Variants in SAMSN1 observed in about 807,000 individuals in gnomAD.
The protein encoded by SAMSN1 is SAM domain-containing protein SAMSN-1.
A neutral mutation model predicts 42.0 loss-of-function variants in SAMSN1; 31 were observed. The observed-to-expected ratio is 0.74, with a 90% CI of 0.55 to 1.00. The LOEUF (loss-of-function observed/expected upper bound fraction) is 1.00, where lower values mean the gene tolerates loss of function less well. SAMSN1 is among the 50% of genes least tolerant of loss of function. SAMSN1 has a pLI of 0.00. For missense variants in SAMSN1, 464 were observed against 439.4 expected, an observed-to-expected ratio of 1.06 and a Z score of -0.50; for synonymous variants, 178 against 151.9, an observed-to-expected ratio of 1.17 and a Z score of -1.26.
intron 5 of SAMSN1, among the ~76,000 whole-genome samples, chr21:14,507,558 A>G (rs1182906761): frequency 1.3e-5 from 2 of 152,264 alleles, no homozygotes; most frequent in Non-Finnish European, 2.9e-5. Context: ...GATGGCACAA[A>G]CAAATGGAAA....
chr21:14,644,084 G>A (rs1025040793), intron 1 of SAMSN1, among the ~76,000 whole-genome samples: 1 of 152,138 alleles, frequency 6.6e-6, no homozygotes, highest in Non-Finnish European at 1.5e-5. Flanking sequence ...AACTTGAAAG[G>A]CAGTCTAGAA....
At chr21:14,527,417 A>G (rs1401771888) in intron 1 of SAMSN1, among the ~76,000 whole-genome samples, 1 of 152,214 alleles carries the variant, frequency 6.6e-6, no homozygotes, top group Non-Finnish European at 1.5e-5. Context: ...ACTGACGGCT[A>G]AAAGACAACT....
At chr21:14,528,164 G>A (rs1210725550) in intron 1 of SAMSN1, among the ~76,000 whole-genome samples, 1 of 151,966 alleles carries the variant, frequency 6.6e-6, no homozygotes, top group African/African-American at 2.4e-5. Flanking sequence ...TGACACTATC[G>A]TGAACTGCTC....
intron 2 of SAMSN1, among the ~76,000 whole-genome samples, chr21:14,578,334 G>T (rs1981574630): frequency 6.6e-6 from 1 of 152,092 alleles, no homozygotes; most frequent in Non-Finnish European, 1.5e-5. Context: ...CACCCACCTT[G>T]AGAGTGGGAG....
At position 14,486,124 on chromosome 21, in the gene SAMSN1, G is replaced by GA. The variant is rs753283927; in HGVS notation, c.920-11dup. 2.5e-6 allele frequency: 4 copies of GA among 1,596,380 alleles called. No individual in the cohort carries two copies. The highest frequency in any genetic ancestry group is 3.4e-6 in the Non-Finnish European group (4 of 1,168,124). On this transcript the variant is annotated splice_polypyrimidine_tract_variant and intron_variant, in intron 7 of 7. Coordinates refer to ENST00000400566, the MANE Select transcript of SAMSN1 (RefSeq NM_022136.5). ...TCTTGCTCTTGAATAACTGTAAATG[G>GA]AAAAAAAGGGCAGGAGTTAGGTAAA...
chr21:14,602,180 G>T, intron 5 of SAMSN1: 1 of 425,548 alleles, frequency 2.3e-6, no homozygotes, highest in Non-Finnish European at 4.4e-6. Flanking sequence ...TAACACTCAT[G>T]TTTTTATTTA....
chr21:14,635,181 G>C lies in SAMSN1; in HGVS notation c.156+7821C>G, dbSNP rs563909868. Among the ~76,000 whole-genome samples the C allele has an allele frequency of 4.6e-5, 7 of 152,220 alleles. No homozygotes were observed. In the South Asian group the frequency reaches 8.3e-4, roughly 18 times the overall value. Reference sequence around the variant, plus strand: ...GAACAACACACACCAGGGACTGTTAGGGGGCAATGACGAGGGGAGGGATAG... The same window carrying C: ...GAACAACACACACCAGGGACTGTTACGGGGCAATGACGAGGGGAGGGATAG... On this transcript the variant is annotated intron_variant, in intron 2 of 15. Coordinates refer to the SAMSN1 transcript ENST00000647101.
intron 2 of SAMSN1, among the ~76,000 whole-genome samples, chr21:14,560,447 T>C (rs1349136430): frequency 2.0e-5 from 3 of 152,040 alleles, no homozygotes; most frequent in Non-Finnish European, 4.4e-5. Context: ...TATAGTTTAA[T>C]CTTAGAGCAA....
chr21:14,592,499 G>A (rs1213933711), intron 7 of SAMSN1: 2 of 181,106 alleles, frequency 1.1e-5, no homozygotes, highest in Admixed American at 6.2e-5. Flanking sequence ...ACTTGAGTGA[G>A]CCACTTCTCC....
chr21:14,495,237 T>A (rs2123668038), intron 7 of SAMSN1, among the ~76,000 whole-genome samples: 1 of 152,330 alleles, frequency 6.6e-6, no homozygotes, highest in South Asian at 2.1e-4. Context: ...AGGAAGGTTG[T>A]GTGTTTAATC....
Position 14,546,314 on chromosome 21 carries a change from C to T in SAMSN1, c.-53G>A. 1.2e-6 allele frequency: 2 copies of T among 1,609,910 alleles called. No individual in the cohort carries two copies. Among genetic ancestry groups the T allele is most frequent in the South Asian group, 1.1e-5 (1 of 90,588 alleles). ...GCACTTTCTGCTGTTACAGAAACAACTGAAAACAGTCAGCAGTGTGCTGTC... is the reference window on the plus strand; with the variant it reads ...GCACTTTCTGCTGTTACAGAAACAATTGAAAACAGTCAGCAGTGTGCTGTC... On this transcript the variant is annotated 5_prime_UTR_variant, in exon 1 of 8. Coordinates refer to ENST00000400566, the MANE Select transcript of SAMSN1 (RefSeq NM_022136.5).
intron 2 of SAMSN1, among the ~76,000 whole-genome samples, chr21:14,630,826 C>G (rs150367123): frequency 1.3e-5 from 2 of 152,102 alleles, no homozygotes; most frequent in Non-Finnish European, 2.9e-5. Context: ...CATTTTCTTC[C>G]TTTAGTGTCT....
chr21:14,656,511 A>G (rs1470080305), intron 1 of SAMSN1, among the ~76,000 whole-genome samples: 1 of 151,794 alleles, frequency 6.6e-6, no homozygotes, highest in Non-Finnish European at 1.5e-5. Flanking sequence ...GCTCAACAAG[A>G]AAAATCACTG....
rs754380945 is a variant in SAMSN1 at position 14,512,494 on chromosome 21, A to G, written c.359T>C (p.Leu120Pro). ...ACTATCCATGGAGTCACTGGCTTTGAGGGACACCTTCTCTGTGTGGGTCCC... is the reference window on the plus strand; with the variant it reads ...ACTATCCATGGAGTCACTGGCTTTGGGGGACACCTTCTCTGTGTGGGTCCC... ...VIGTHTEKVS[L>P]KASDSMDSLY... The change falls in exon 4 of 8, where the codon CTC becomes CCC. Residue 120 changes from leucine (L) to proline (P), a missense_variant. Transcript: ENST00000400566. The G allele has an allele frequency of 1.9e-6, 3 of 1,613,974 alleles. No individual in the cohort carries two copies. The Admixed American group carries it at 5.0e-5, about 27-fold the overall frequency.
intron 1 of SAMSN1, among the ~76,000 whole-genome samples, chr21:14,645,238 A>G (rs946458323): frequency 6.6e-6 from 1 of 152,174 alleles, no homozygotes; most frequent in African/African-American, 2.4e-5. Context: ...TTCAGGTCTG[A>G]CCCAGCACAG....
chr21:14,546,162 T>G lies in SAMSN1; in HGVS notation c.57+43A>C, dbSNP rs1399585960. Reference sequence around the variant, plus strand: ...ACACACATATGTGTTTATTTTCTATTAAATAGTTTGATTTTATTTAACTAT... The same window carrying G: ...ACACACATATGTGTTTATTTTCTATGAAATAGTTTGATTTTATTTAACTAT... On this transcript the variant is annotated intron_variant, in intron 1 of 7. Coordinates refer to ENST00000400566, the MANE Select transcript of SAMSN1 (RefSeq NM_022136.5). The G allele has an allele frequency of 2.6e-6, 4 of 1,532,008 alleles. No homozygotes were observed. In the African/African-American group the frequency reaches 4.1e-5, roughly 16 times the overall value. The allele number at this position is 1,532,008 out of a possible 1,614,324, so 94.9% of individuals were successfully genotyped here. A position where few individuals can be genotyped will look rare whatever the true frequency, so the allele number is the denominator to read the frequency against.
chr21:14,548,980 A>G (rs971641967), upstream of SAMSN1, among the ~76,000 whole-genome samples: 1 of 152,194 alleles, frequency 6.6e-6, no homozygotes, highest in Non-Finnish European at 1.5e-5. Context: ...TTGGTGCTTT[A>G]CAATACCTTA....
At chr21:14,554,368 T>C (rs1224725871) in intron 2 of SAMSN1, among the ~76,000 whole-genome samples, 2 of 152,282 alleles carry the variant, frequency 1.3e-5, no homozygotes, top group African/African-American at 4.8e-5. Flanking sequence ...GACACTATTA[T>C]GGTGTTGTTG....
At chr21:14,557,412 A>G (rs1980797143) in intron 2 of SAMSN1, among the ~76,000 whole-genome samples, 1 of 152,176 alleles carries the variant, frequency 6.6e-6, no homozygotes, top group Non-Finnish European at 1.5e-5. Context: ...ACAAAGGTAG[A>G]AAGCCTGAGA....
Sources: allele counts gnomAD v4.1 joint callset (sites outside exome capture counted in the v4.1 genomes callset), GRCh38; gene constraint gnomAD v4.1.1; transcripts MANE v1.5; gene names NCBI Gene and HGNC (gene_info 2026-07-23, HGNC 2026-07-21).